The following ADAP2 variants were observed in gnomAD, a reference collection of about 807,000 sequenced individuals.
ADAP2 encodes the protein ArfGAP with dual PH domains 2.
A neutral mutation model predicts 54.9 loss-of-function variants in ADAP2; 42 were observed. The ratio of observed to expected loss-of-function variants is 0.77; its 90% CI spans 0.60 to 0.99. ADAP2 has a LOEUF of 0.99. Among genes scored for constraint, ADAP2 ranks in the 50% least tolerant of loss-of-function variants. The pLI, the probability that ADAP2 is intolerant of heterozygous loss-of-function variation, is 0.00. For missense variants in ADAP2, 429 were observed against 480.4 expected (o/e 0.89, Z 1.00); for synonymous variants, 177 against 180.1 (o/e 0.98, Z 0.14).
intron 5 of ADAP2, among the ~76,000 whole-genome samples, chr17:30,943,848 AAAATAAATAAATAAATAAATAAATAAAT>A (rs55789959): frequency 7.3e-6 from 1 of 136,784 alleles, no homozygotes; most frequent in Non-Finnish European, 1.5e-5. Flanking sequence ...CTCTATCTCA[AAAATAAATAAATAAATAAATAAATAAAT>A]AAATAAATAA....
intron 5 of ADAP2, among the ~76,000 whole-genome samples, chr17:30,935,075 C>A (rs1911775513): frequency 1.3e-5 from 2 of 151,792 alleles, no homozygotes; most frequent in Non-Finnish European, 2.9e-5. Flanking sequence ...AAAACAAAAA[C>A]AAAAACAAAA....
At position 30,922,950 on chromosome 17, in the gene ADAP2, G is replaced by T. The variant is rs1443575715; in HGVS notation, c.105G>T (p.Trp35Cys). 7 of 1,613,740 alleles carry T rather than the reference G, an allele frequency of 4.3e-6. No homozygotes were observed. Among genetic ancestry groups the T allele is most frequent in the Non-Finnish European group, 5.9e-6 (7 of 1,179,938 alleles). Residue 35 changes from tryptophan to cysteine, a missense_variant, in exon 2 of 11, where the codon TGG (tryptophan) becomes TGT (cysteine). Transcript: ENST00000330889. ...CCTCATCCCCTGCAGATCCCGACTG[G>T]GCCTCTTACAAGCTGGGGATCTTCA... ...CADCGAADPD[W>C]ASYKLGIFIC...
At position 30,937,216 on chromosome 17, in the gene ADAP2, G is replaced by A. The variant is rs144779192; in HGVS notation, c.510+2919G>A. On this transcript the variant is annotated intron_variant, in intron 5 of 10. Coordinates refer to ENST00000330889, the MANE Select transcript of ADAP2 (RefSeq NM_018404.3). Reference sequence around the variant, plus strand: ...TGGGATTACAGGCGTGAGCCACCGCGCCCGGCCTATTTATTTATTTTTTGA... The same window carrying A: ...TGGGATTACAGGCGTGAGCCACCGCACCCGGCCTATTTATTTATTTTTTGA... 2.3e-3 allele frequency among the ~76,000 whole-genome samples: 352 copies of A among 151,644 alleles called. 2 individuals are homozygous for A. The highest frequency in any genetic ancestry group is 4.2e-3 in the Non-Finnish European group (282 of 67,908).
intron 6 of ADAP2, among the ~76,000 whole-genome samples, 181 bp from the exon 7 acceptor site, chr17:30,949,106 A>T (rs1598051779): frequency 1.3e-5 from 2 of 152,256 alleles, no homozygotes; most frequent in South Asian, 2.1e-4. Context: ...TGCCCGGGTT[A>T]GCCCACGAGG....
At chr17:30,955,636 GGCAGAGGGT>G (rs1287622529) in intron 9 of ADAP2, among the ~76,000 whole-genome samples, 2 of 151,848 alleles carry the variant, frequency 1.3e-5, no homozygotes, top group East Asian at 3.9e-4. Flanking sequence ...GAAACCGGGA[GGCAGAGGGT>G]GCAGAGGGTG....
chr17:30,951,906 C>T lies in ADAP2; in HGVS notation c.742-1382C>T, dbSNP rs1355929031. Among the ~76,000 whole-genome samples, 7 of 152,134 alleles carry T rather than the reference C, an allele frequency of 4.6e-5. No individual in the cohort carries two copies. In the East Asian group the frequency reaches 5.8e-4, roughly 13 times the overall value. On this transcript the variant is annotated intron_variant, in intron 7 of 10. Transcript: ENST00000330889. The stretch of plus-strand genomic sequence containing the variant: ...TCCTGACCTCGTGATCCACACGCCT[C>T]GGCCTCCCAAAGTGCTGGGATTACA...
chr17:30,947,066 C>T (rs1449119627), intron 6 of ADAP2, among the ~76,000 whole-genome samples: 1 of 152,146 alleles, frequency 6.6e-6, no homozygotes, highest in Non-Finnish European at 1.5e-5. Flanking sequence ...TTGCTTGATG[C>T]CCCAGCCTGT....
chr17:30,926,979 C>G (rs531253338), intron 3 of ADAP2, 61 bp downstream of exon 3: 4 of 1,321,964 alleles, frequency 3.0e-6, no homozygotes, highest in Admixed American at 1.8e-5. Context: ...CCTCCTCCCC[C>G]TCTCCATCTT....
Position 30,956,381 on chromosome 17 carries a change from C to T in ADAP2, c.1023C>T (p.Leu341=), listed in dbSNP as rs1361608973. The change falls in exon 10 of 11, where the codon CTC becomes CTT. Residue 341 remains leucine, a synonymous_variant. Transcript: ENST00000330889. ...TIVTPERRFV[L]TCPSEKEQQE... ...TCACCCCAGAGCGGAGATTTGTCCT[C>T]ACTTGCCCCAGTGAGAAGGAACAGC... 5 of 1,614,080 alleles carry T rather than the reference C, an allele frequency of 3.1e-6. No homozygotes were observed. Among genetic ancestry groups the T allele is most frequent in the East Asian group, 2.2e-5 (1 of 44,900 alleles).
chr17:30,937,373 C>T (rs1911968908), intron 5 of ADAP2, among the ~76,000 whole-genome samples: 1 of 152,086 alleles, frequency 6.6e-6, no homozygotes, highest in Non-Finnish European at 1.5e-5. Context: ...AGGCGTGCAC[C>T]ACCACACCCG....
At position 30,949,383 on chromosome 17, in the gene ADAP2, C is replaced by CTCA; in HGVS notation, c.741+13_741+14insTCA. The stretch of plus-strand genomic sequence containing the variant: ...CCCAGAGTCTGAGGTGAGCTAAATG[C>CTCA]GGACCCCAATTTCTGAATCTCCTCT... On this transcript the variant is annotated intron_variant, in intron 7 of 10. Coordinates refer to ENST00000330889, the MANE Select transcript of ADAP2 (RefSeq NM_018404.3). The CTCA allele has an allele frequency of 6.2e-7, 1 of 1,610,276 alleles. No homozygotes were observed. Among genetic ancestry groups the CTCA allele is most frequent in the Non-Finnish European group, 8.5e-7 (1 of 1,176,618 alleles).
chr17:30,948,227 T>C (rs1176301167), intron 6 of ADAP2, among the ~76,000 whole-genome samples: 1 of 152,052 alleles, frequency 6.6e-6, no homozygotes, highest in Non-Finnish European at 1.5e-5. Flanking sequence ...GACTTTTTTT[T>C]CTGAGGGTAG....
rs1904817793 is a variant in ADAP2, at chr17:30,953,300, C to T, written c.754C>T (p.Leu252Phe). The change falls in exon 8 of 11, where the codon CTC (leucine) becomes TTC (phenylalanine). Residue 252 changes from leucine to phenylalanine, a missense_variant. Coordinates refer to ENST00000330889, the MANE Select transcript of ADAP2 (RefSeq NM_018404.3). ...CTCTCTTCCCCAGCTCGTGCCATTCCTCACCAGGAACTACCTCAAACAAGG... is the reference window on the plus strand; with the variant it reads ...CTCTCTTCCCCAGCTCGTGCCATTCTTCACCAGGAACTACCTCAAACAAGG... ...ELPESELVPFLTRNYLKQGFM... is the reference protein window; with the variant it reads ...ELPESELVPFFTRNYLKQGFM... The T allele has an allele frequency of 1.9e-6, 3 of 1,613,986 alleles. No homozygotes were observed. The highest frequency in any genetic ancestry group is 1.7e-5 in the Admixed American group (1 of 60,000).
Position 30,957,868 on chromosome 17 carries a change from GACCCATTA to G in ADAP2, c.*2_*9del. 1 of 1,613,018 alleles carries G rather than the reference GACCCATTA, an allele frequency of 6.2e-7. No homozygotes were observed. Among genetic ancestry groups the G allele is most frequent in the Non-Finnish European group, 8.5e-7 (1 of 1,179,552 alleles). Reference sequence around the variant, plus strand: ...ACAGAGAGTGGCCGCAGCAGCAGGTGACCCATTAACTGAGGAACTGGCTGCCACTGAAC... The same window carrying G: ...ACAGAGAGTGGCCGCAGCAGCAGGTGACTGAGGAACTGGCTGCCACTGAAC... On this transcript the variant is annotated stop_retained_variant and 3_prime_UTR_variant, in exon 11 of 11. Transcript: ENST00000330889.
intron 5 of ADAP2, among the ~76,000 whole-genome samples, chr17:30,943,385 A>C (rs1354442038): frequency 6.6e-6 from 1 of 152,064 alleles, no homozygotes; most frequent in Non-Finnish European, 1.5e-5. Context: ...AAGGAAAGAA[A>C]GAAAAGAAAA....
intron 2 of ADAP2, 128 bp from the exon 3 acceptor site, chr17:30,926,699 C>T: frequency 1.3e-6 from 1 of 772,042 alleles, no homozygotes; most frequent in Non-Finnish European, 2.2e-6. Flanking sequence ...GTATGGATGA[C>T]CAAGCCCGGT....
At position 30,958,954 on chromosome 17, in the gene ADAP2, A is replaced by G. The variant is rs1203825350; in HGVS notation, c.*1085A>G. On this transcript the variant is annotated 3_prime_UTR_variant, in exon 11 of 11. Coordinates refer to ENST00000330889, the MANE Select transcript of ADAP2 (RefSeq NM_018404.3). ...GGATCCCCCAATCAAAGGATAAGCA[A>G]TGCGTAAGCCTGTGTCCTTCCTGAA... 3 of 152,094 alleles carry G rather than the reference A, an allele frequency of 2.0e-5. No homozygotes were observed. The highest frequency in any genetic ancestry group is 2.0e-4 in the Admixed American group (3 of 15,262). 9.4% of individuals were successfully genotyped at this position (152,094 alleles called of 1,614,324 possible).
intron 7 of ADAP2, among the ~76,000 whole-genome samples, chr17:30,951,156 C>T (rs776293425): frequency 4.6e-5 from 7 of 152,164 alleles, no homozygotes; most frequent in Non-Finnish European, 1.0e-4. Flanking sequence ...TCTTGGACTT[C>T]AGAGAAAGTA....
chr17:30,956,120 G>A, intron 9 of ADAP2, 121 bp from the exon 10 acceptor site: 2 of 754,204 alleles, frequency 2.7e-6, no homozygotes, highest in South Asian at 3.6e-5. Flanking sequence ...GTCCCACTTA[G>A]CAGAAATCCC....
Sources: allele counts gnomAD v4.1 joint callset (sites outside exome capture counted in the v4.1 genomes callset), GRCh38; gene constraint gnomAD v4.1.1; transcripts MANE v1.5; gene names NCBI Gene and HGNC (gene_info 2026-07-23, HGNC 2026-07-21).